ARMC9: variants seen among roughly 807,000 people sequenced by gnomAD.
The protein encoded by ARMC9 is armadillo repeat containing 9.
In ARMC9, 94 loss-of-function variants were observed where a neutral mutation model predicts 107.0. The ratio of observed to expected loss-of-function variants is 0.88; its 90% CI spans 0.74 to 1.04. The LOEUF (loss-of-function observed/expected upper bound fraction) is 1.04, where lower values mean the gene tolerates loss of function less well. Among genes scored for constraint, ARMC9 ranks in the 50% least tolerant of loss-of-function variants. The pLI, the probability that ARMC9 is intolerant of heterozygous loss-of-function variation, is 0.00. For synonymous variants in ARMC9, 380 were observed against 396.9 expected (o/e 0.96, Z 0.51); for missense variants, 942 against 1,030.1 (o/e 0.91, Z 1.17).
intron 9 of ARMC9, among the ~76,000 whole-genome samples, chr2:231,248,722 G>A (rs553665311): frequency 6.0e-5 from 9 of 148,876 alleles, no homozygotes; most frequent in South Asian, 2.1e-4. Flanking sequence ...CAGAAGAATC[G>A]CTTGAACCCG....
At chr2:231,301,682 T>C (rs2041735317) in intron 19 of ARMC9, among the ~76,000 whole-genome samples, 2 of 152,230 alleles carry the variant, frequency 1.3e-5, no homozygotes. Flanking sequence ...AAAATTTTTT[T>C]TAAGTTAAAG....
chr2:231,275,371 T>C (rs2039671524), intron 14 of ARMC9, among the ~76,000 whole-genome samples: 1 of 152,316 alleles, frequency 6.6e-6, no homozygotes, highest in East Asian at 1.9e-4. Flanking sequence ...CTAATCCAGA[T>C]GGCATCTCAT....
intron 19 of ARMC9, among the ~76,000 whole-genome samples, chr2:231,310,451 G>GC (rs58055108): frequency 0.47 from 68,145 of 145,582 alleles, 18,064 homozygotes; most frequent in African/African-American, 0.74. Flanking sequence ...TAAGCTATGG[G>GC]CGGGTGCAAT....
chr2:231,326,471 T>C (rs911820241), intron 19 of ARMC9, among the ~76,000 whole-genome samples: 2 of 152,216 alleles, frequency 1.3e-5, no homozygotes, highest in African/African-American at 4.8e-5. Flanking sequence ...AGGCTCTGGA[T>C]TGATCTGGGG....
At chr2:231,366,959 T>C (rs2045844691) in intron 23 of ARMC9, among the ~76,000 whole-genome samples, 1 of 150,204 alleles carries the variant, frequency 6.7e-6, no homozygotes. Context: ...CACGCCATTC[T>C]CCTGCCTCAG....
rs1009043702 is a variant in ARMC9 at position 231,329,756 on chromosome 2, G to T, written c.1774-2037G>T. ...TTCGTGTGTTCCTTACTAGTATACA[G>T]AAATTGATTTTATATGTCTTTCTTA... On this transcript the variant is annotated intron_variant, in intron 19 of 24. Transcript: ENST00000611582. Among the ~76,000 whole-genome samples, 4 of 152,238 alleles carry T rather than the reference G, an allele frequency of 2.6e-5. No homozygotes were observed. The East Asian group carries it at 5.8e-4, about 22-fold the overall frequency.
intron 18 of ARMC9, 103 bp from the exon 19 acceptor site, chr2:231,296,095 C>T (rs1197193556): frequency 1.3e-6 from 1 of 756,024 alleles, no homozygotes; most frequent in Non-Finnish European, 2.1e-6. Flanking sequence ...GATGTAACCT[C>T]ATTCTCATTA....
At chr2:231,199,892 T>G (rs895217783) in intron 1 of ARMC9, among the ~76,000 whole-genome samples, 6 of 152,114 alleles carry the variant, frequency 3.9e-5, no homozygotes, top group African/African-American at 1.4e-4. Flanking sequence ...GAGATGGGGT[T>G]CCACCATGTT....
intron 18 of ARMC9, chr2:231,295,600 C>G (rs1422865194): frequency 6.6e-6 from 1 of 152,318 alleles, no homozygotes; most frequent in African/African-American, 2.4e-5. Flanking sequence ...TTCTGTAACT[C>G]CTTTGTGCTA....
chr2:231,266,345 T>C (rs1031768344), intron 12 of ARMC9, among the ~76,000 whole-genome samples: 3 of 152,228 alleles, frequency 2.0e-5, no homozygotes, highest in Non-Finnish European at 2.9e-5. Context: ...GAATTACAGC[T>C]TGAGACCAAA....
At chr2:231,327,936 C>T (rs945773545) in intron 19 of ARMC9, among the ~76,000 whole-genome samples, 1 of 152,124 alleles carries the variant, frequency 6.6e-6, no homozygotes, top group Admixed American at 6.6e-5. Flanking sequence ...AGGCACATGC[C>T]ACCAGGCCTG....
At chr2:231,201,661 C>A (rs1206354135) in intron 1 of ARMC9, among the ~76,000 whole-genome samples, 2 of 152,242 alleles carry the variant, frequency 1.3e-5, no homozygotes, top group African/African-American at 2.4e-5. Flanking sequence ...TGCTCTGCAG[C>A]CGCCTTATGT....
At chr2:231,209,734 C>T (rs867610466) in intron 3 of ARMC9, among the ~76,000 whole-genome samples, 2 of 152,116 alleles carry the variant, frequency 1.3e-5, no homozygotes, top group Admixed American at 1.3e-4. Context: ...TAGGGTTTCA[C>T]CAGGTTGGCC....
chr2:231,273,856 T>C (rs1250757063), intron 14 of ARMC9, among the ~76,000 whole-genome samples: 1 of 152,168 alleles, frequency 6.6e-6, no homozygotes, highest in Non-Finnish European at 1.5e-5. Flanking sequence ...GTTTAGCACA[T>C]TTCCATCACC....
chr2:231,336,849 A>T (rs1465256754), intron 20 of ARMC9, among the ~76,000 whole-genome samples: 1 of 152,168 alleles, frequency 6.6e-6, no homozygotes, highest in Non-Finnish European at 1.5e-5. Flanking sequence ...GACAGAACTC[A>T]GGGTGTTCAT....
chr2:231,306,198 C>T (rs2042026816), intron 19 of ARMC9, among the ~76,000 whole-genome samples: 1 of 152,180 alleles, frequency 6.6e-6, no homozygotes, highest in African/African-American at 2.4e-5. Flanking sequence ...CTTATTACTT[C>T]CCTCCTTCTT....
chr2:231,269,280 CCT>C (rs1448676647), intron 12 of ARMC9, among the ~76,000 whole-genome samples: 1 of 151,922 alleles, frequency 6.6e-6, no homozygotes, highest in Non-Finnish European at 1.5e-5. Flanking sequence ...TGGTTTCTTC[CCT>C]CTGTTTTCTG....
intron 9 of ARMC9, 40 bp downstream of exon 9, chr2:231,240,081 C>T (rs745478836): frequency 2.7e-6 from 4 of 1,490,176 alleles, no homozygotes; most frequent in East Asian, 4.7e-5. Context: ...CGTGGTCTAT[C>T]CCCCCAAATT....
At chr2:231,226,823 T>C in intron 7 of ARMC9, 25 bp downstream of exon 7, 10 of 1,609,636 alleles carry the variant, frequency 6.2e-6, no homozygotes, top group Non-Finnish European at 8.5e-6. Context: ...TTTAAATTTG[T>C]CTAAGAACAA....
Sources: allele counts gnomAD v4.1 joint callset (sites outside exome capture counted in the v4.1 genomes callset), GRCh38; gene constraint gnomAD v4.1.1; transcripts MANE v1.5; gene names NCBI Gene and HGNC (gene_info 2026-07-23, HGNC 2026-07-21).